Variants in RHOQ observed in about 807,000 individuals in gnomAD.
The protein encoded by RHOQ is ras homolog family member Q.
RHOQ carries 7 observed loss-of-function variants against 25.8 expected under a neutral mutation model. That is an observed-to-expected ratio of 0.27 (90% CI 0.15 to 0.51). RHOQ has a LOEUF of 0.51. RHOQ is among the 20% of genes least tolerant of loss of function. The probability of loss-of-function intolerance (pLI) is 0.97; values close to 1 mark genes in which losing one functional copy is unlikely to be tolerated. For synonymous variants in RHOQ, 97 were observed against 98.6 expected (o/e 0.98, Z 0.10); for missense variants, 165 against 260.6 (o/e 0.63, Z 2.53).
chr2:46,560,581 T>TG, intron 2 of RHOQ: 1 of 456,262 alleles, frequency 2.2e-6, no homozygotes, highest in Middle Eastern at 3.3e-4. Flanking sequence ...ATCTGGATCC[T>TG]GGGGTCACGT....
intron 2 of RHOQ, among the ~76,000 whole-genome samples, chr2:46,560,860 G>A (rs1412844969): frequency 6.6e-6 from 1 of 152,128 alleles, no homozygotes; most frequent in Non-Finnish European, 1.5e-5. Context: ...TTAGATTTGG[G>A]TGTTTTGAAG....
chr2:46,567,689 G>C (rs921249767), intron 2 of RHOQ, among the ~76,000 whole-genome samples: 2 of 152,024 alleles, frequency 1.3e-5, no homozygotes, highest in African/African-American at 4.8e-5. Context: ...ACTGCACCCA[G>C]CCTCCTGTGA....
chr2:46,584,472 G>A lies in RHOQ; in HGVS notation c.*3389G>A, dbSNP rs757638407. Among the ~76,000 whole-genome samples, 3 of 152,088 alleles carry A rather than the reference G, an allele frequency of 2.0e-5. No individual in the cohort carries two copies. Among genetic ancestry groups the A allele is most frequent in the African/African-American group, 7.2e-5 (3 of 41,416 alleles). ...GTATTTTAATCATTTTGTAATTTCA[G>A]TATGGCTCTTTGTTCTCAAACACAT... On this transcript the variant is annotated 3_prime_UTR_variant, in exon 5 of 5. Transcript: ENST00000238738.
chr2:46,580,897 A>G, intron 4 of RHOQ, 31 bp from the exon 5 acceptor site: 1 of 1,439,806 alleles, frequency 6.9e-7, no homozygotes, highest in Non-Finnish European at 9.2e-7. Flanking sequence ...ACATGATCTT[A>G]TATATTTGTG....
intron 2 of RHOQ, among the ~76,000 whole-genome samples, chr2:46,547,992 C>T (rs1257675912): frequency 6.6e-6 from 1 of 152,190 alleles, no homozygotes; most frequent in Non-Finnish European, 1.5e-5. Context: ...CCAGTTTATT[C>T]AGGTCCCAGA....
intron 2 of RHOQ, among the ~76,000 whole-genome samples, chr2:46,561,567 G>T (rs1241985170): frequency 1.3e-5 from 2 of 152,280 alleles, no homozygotes; most frequent in African/African-American, 2.4e-5. Flanking sequence ...GTCTTCTGAA[G>T]ATGGGTGCCT....
At position 46,566,465 on chromosome 2, in the gene RHOQ, C is replaced by T. The variant is rs1365739079; in HGVS notation, c.202-9622C>T. ...ATATCCAGAATATATCTAGAATCCA[C>T]CATTTCTCTAGCTGTCAACTGCTGT... On this transcript the variant is annotated intron_variant, in intron 2 of 4. Coordinates refer to ENST00000238738, the MANE Select transcript of RHOQ (RefSeq NM_012249.4). The surrounding 1 kb of genome is among the most constrained non-coding windows in gnomAD (Gnocchi z 4.2). Among the ~76,000 whole-genome samples the T allele has an allele frequency of 6.6e-6, 1 of 152,118 alleles. No homozygotes were observed. The highest frequency in any genetic ancestry group is 1.5e-5 in the Non-Finnish European group (1 of 68,034).
At chr2:46,578,784 G>A (rs1216178838) in intron 4 of RHOQ, among the ~76,000 whole-genome samples, 1 of 151,364 alleles carries the variant, frequency 6.6e-6, no homozygotes, top group Non-Finnish European at 1.5e-5. Context: ...AATAATGGTG[G>A]ACTGCGTATT....
At chr2:46,564,978 G>C (rs2104009099) in intron 2 of RHOQ, among the ~76,000 whole-genome samples, 1 of 152,372 alleles carries the variant, frequency 6.6e-6, no homozygotes, top group Non-Finnish European at 1.5e-5. Context: ...ATCTCCATGA[G>C]CTGCAGAGAT....
At chr2:46,550,858 G>GTT (rs1371245703) in intron 2 of RHOQ, among the ~76,000 whole-genome samples, 1 of 152,190 alleles carries the variant, frequency 6.6e-6, no homozygotes, top group East Asian at 1.9e-4. Flanking sequence ...CCTGGTGTGT[G>GTT]TTCCCACCTT....
chr2:46,572,123 T>G (rs1210098503), intron 2 of RHOQ, among the ~76,000 whole-genome samples: 5 of 139,820 alleles, frequency 3.6e-5, no homozygotes, highest in Admixed American at 7.0e-5. Context: ...TTTTTTTTTT[T>G]TTTTTTTTTT....
intron 2 of RHOQ, among the ~76,000 whole-genome samples, chr2:46,558,378 G>T (rs190919820): frequency 4.8e-4 from 73 of 152,326 alleles, no homozygotes; most frequent in Non-Finnish European, 7.9e-4. Flanking sequence ...GGGATACCTA[G>T]TATGTTTGAA....
At chr2:46,546,462 A>G (rs1245206554) in intron 2 of RHOQ, among the ~76,000 whole-genome samples, 3 of 5,010 alleles carry the variant, frequency 6.0e-4, no homozygotes, top group Non-Finnish European at 8.4e-4. Flanking sequence ...ATATATATAT[A>G]TATATATATA....
intron 2 of RHOQ, among the ~76,000 whole-genome samples, chr2:46,573,189 G>A (rs774067644): frequency 5.3e-5 from 8 of 151,664 alleles, no homozygotes; most frequent in South Asian, 2.1e-4. Context: ...TCAGCCTTCC[G>A]AATAGCTGGG....
intron 4 of RHOQ, 69 bp from the exon 5 acceptor site, chr2:46,580,859 A>G: frequency 9.4e-7 from 1 of 1,062,014 alleles, no homozygotes; most frequent in Non-Finnish European, 1.3e-6. Flanking sequence ...CTTTATAATG[A>G]TGTGTTTATG....
At chr2:46,546,173 A>G (rs981934168) in intron 2 of RHOQ, among the ~76,000 whole-genome samples, 4 of 151,914 alleles carry the variant, frequency 2.6e-5, no homozygotes, top group African/African-American at 9.7e-5. Context: ...TACTATGTCC[A>G]GGTACTTTTG....
intron 2 of RHOQ, among the ~76,000 whole-genome samples, chr2:46,549,699 T>C (rs1668180321): frequency 6.6e-6 from 1 of 152,224 alleles, no homozygotes; most frequent in South Asian, 2.1e-4. Flanking sequence ...CTCAGCAATT[T>C]GTCATTCCTC....
chr2:46,565,079 G>A (rs551345889), intron 2 of RHOQ, among the ~76,000 whole-genome samples: 8 of 152,210 alleles, frequency 5.3e-5, no homozygotes, highest in Non-Finnish European at 7.3e-5. Context: ...TGCAGAAGGA[G>A]AAGGTGGAGC....
intron 2 of RHOQ, among the ~76,000 whole-genome samples, chr2:46,546,263 C>T (rs1320616615): frequency 2.0e-5 from 3 of 151,300 alleles, no homozygotes; most frequent in Admixed American, 2.0e-4. Context: ...ATGTCTGTCT[C>T]GGGTCTCTGT....
Sources: allele counts gnomAD v4.1 joint callset (sites outside exome capture counted in the v4.1 genomes callset), GRCh38; gene constraint gnomAD v4.1.1; non-coding constraint Gnocchi (gnomAD v3.1); transcripts MANE v1.5; gene names NCBI Gene and HGNC (gene_info 2026-07-23, HGNC 2026-07-21).